The following TMEM229B variants were observed in gnomAD, a reference collection of about 807,000 sequenced individuals.
TMEM229B encodes chromosome 14 open reading frame 83.
Under a neutral mutation model 13.7 loss-of-function variants are expected in TMEM229B, and 6 were observed. The observed-to-expected ratio is 0.44, with a 90% CI of 0.24 to 0.86. TMEM229B has a LOEUF of 0.86. TMEM229B is among the 40% of genes least tolerant of loss of function. TMEM229B has a pLI of 0.23. For missense variants in TMEM229B, 170 were observed against 236.0 expected (o/e 0.72, Z 1.83); for synonymous variants, 107 against 102.1 (o/e 1.05, Z -0.29).
upstream of TMEM229B, among the ~76,000 whole-genome samples, chr14:67,489,941 G>A (rs2032093410): frequency 6.6e-6 from 1 of 150,986 alleles, no homozygotes; most frequent in African/African-American, 2.4e-5. Flanking sequence ...AGTGATCTGA[G>A]ACCACGCCAC....
intron 1 of TMEM229B, among the ~76,000 whole-genome samples, chr14:67,511,355 A>AAAAAAAC (rs1204901597): frequency 4.3e-5 from 1 of 23,124 alleles, no homozygotes; most frequent in African/African-American, 7.2e-5. Flanking sequence ...TTAAAAAAAC[A>AAAAAAAC]AAAAAACAAA....
At chr14:67,512,282 A>G (rs145496541) in intron 1 of TMEM229B, among the ~76,000 whole-genome samples, 1 of 152,080 alleles carries the variant, frequency 6.6e-6, no homozygotes, top group Non-Finnish European at 1.5e-5. Flanking sequence ...ATCAGCTTAC[A>G]CTTTACTTTT....
intron 1 of TMEM229B, among the ~76,000 whole-genome samples, chr14:67,495,261 ATT>A (rs2032322139): frequency 6.6e-6 from 1 of 151,880 alleles, no homozygotes; most frequent in African/African-American, 2.4e-5. Flanking sequence ...TCCTCTTCCA[ATT>A]TGGCCCTCCT....
intron 1 of TMEM229B, among the ~76,000 whole-genome samples, chr14:67,505,381 A>G (rs931286528): frequency 6.6e-6 from 1 of 152,106 alleles, no homozygotes; most frequent in African/African-American, 2.4e-5. Context: ...AACTGGGAGG[A>G]CATGGTGGAC....
At chr14:67,490,919 T>C (rs975269288), upstream of TMEM229B, among the ~76,000 whole-genome samples, 1 of 152,104 alleles carries the variant, frequency 6.6e-6, no homozygotes, top group Non-Finnish European at 1.5e-5. Flanking sequence ...ATGCCCCCCA[T>C]ATCTGGTCAC....
chr14:67,519,071 T>C (rs1200242167), upstream of TMEM229B, among the ~76,000 whole-genome samples: 1 of 152,168 alleles, frequency 6.6e-6, no homozygotes, highest in Admixed American at 6.5e-5. Flanking sequence ...ATGGGACATA[T>C]GGATATGGTC....
upstream of TMEM229B, among the ~76,000 whole-genome samples, chr14:67,519,231 T>C (rs139818137): frequency 3.9e-5 from 6 of 152,276 alleles, no homozygotes; most frequent in African/African-American, 1.4e-4. Flanking sequence ...CTGCAAGCAA[T>C]AGAAACCAAC....
intron 1 of TMEM229B, among the ~76,000 whole-genome samples, chr14:67,508,135 C>CAAAAAA (rs34715322): frequency 7.7e-6 from 1 of 130,630 alleles, no homozygotes; most frequent in Non-Finnish European, 1.6e-5. Flanking sequence ...AACTCCATCT[C>CAAAAAA]AAAAAAAAAA....
chr14:67,485,686 G>A (rs1381689893), intron 2 of TMEM229B, among the ~76,000 whole-genome samples: 1 of 152,224 alleles, frequency 6.6e-6, no homozygotes, highest in African/African-American at 2.4e-5. Flanking sequence ...AGGCCTCTGG[G>A]GGTTGGGAAA....
chr14:67,518,785 G>A (rs1490539142), upstream of TMEM229B, among the ~76,000 whole-genome samples: 1 of 152,212 alleles, frequency 6.6e-6, no homozygotes, highest in African/African-American at 2.4e-5. Flanking sequence ...CCCAGGGGCT[G>A]CCCTCTGACC....
chr14:67,517,157 A>C (rs138549107), upstream of TMEM229B, among the ~76,000 whole-genome samples: 17 of 152,324 alleles, frequency 1.1e-4, no homozygotes, highest in African/African-American at 4.1e-4. Context: ...CACGCTGGCA[A>C]GAAGCAGCTA....
chr14:67,492,653 G>A (rs58859738), upstream of TMEM229B, among the ~76,000 whole-genome samples: 1,009 of 152,314 alleles, frequency 6.6e-3, 11 homozygotes, highest in African/African-American at 0.023. Flanking sequence ...AGCCTGGACC[G>A]CTCTTATGGT....
intron 2 of TMEM229B, among the ~76,000 whole-genome samples, chr14:67,476,242 G>C (rs1317691591): frequency 6.6e-6 from 1 of 152,202 alleles, no homozygotes; most frequent in African/African-American, 2.4e-5. Context: ...CTTGTGCATT[G>C]CTCTGTGGTC....
At chr14:67,478,556 T>C (rs1336757921) in intron 2 of TMEM229B, among the ~76,000 whole-genome samples, 1 of 152,226 alleles carries the variant, frequency 6.6e-6, no homozygotes, top group Non-Finnish European at 1.5e-5. Context: ...CCGATGTTTC[T>C]CACCACTTGA....
At chr14:67,480,894 A>G (rs1247898253) in intron 2 of TMEM229B, among the ~76,000 whole-genome samples, 2 of 152,172 alleles carry the variant, frequency 1.3e-5, no homozygotes, top group Non-Finnish European at 2.9e-5. Flanking sequence ...CCCCAACCCC[A>G]GCAAGTAACT....
At chr14:67,532,254 T>C (rs2033484185) in intron 1 of TMEM229B, among the ~76,000 whole-genome samples, 1 of 152,178 alleles carries the variant, frequency 6.6e-6, no homozygotes, top group Admixed American at 6.5e-5. Context: ...GTGTTCTTCA[T>C]GGTGCCTGGG....
intron 2 of TMEM229B, among the ~76,000 whole-genome samples, chr14:67,479,345 G>A (rs2031434328): frequency 6.6e-6 from 1 of 151,198 alleles, no homozygotes; most frequent in Non-Finnish European, 1.5e-5. Context: ...CCAGGAGGTG[G>A]AGGTAGCAGT....
upstream of TMEM229B, among the ~76,000 whole-genome samples, chr14:67,491,582 G>C (rs977945893): frequency 6.6e-6 from 1 of 152,098 alleles, no homozygotes; most frequent in Admixed American, 6.5e-5. Flanking sequence ...ACAGGGACCC[G>C]GGACAAAGAC....
chr14:67,519,849 T>A (rs969288079), upstream of TMEM229B, among the ~76,000 whole-genome samples: 1 of 151,906 alleles, frequency 6.6e-6, no homozygotes, highest in African/African-American at 2.4e-5. Context: ...CAGCCTCCCA[T>A]GTAGCTGGGA....
Sources: gnomAD v4.1 joint callset for allele counts (sites outside exome capture counted in the v4.1 genomes callset) on GRCh38, gnomAD v4.1.1 for gene constraint, MANE v1.5 for transcripts, NCBI Gene and HGNC (gene_info 2026-07-23, HGNC 2026-07-21) for gene names.